Variants in GRID2 observed in about 807,000 individuals in gnomAD.
GRID2 encodes the protein glutamate ionotropic receptor delta type subunit 2.
A neutral mutation model predicts 114.8 loss-of-function variants in GRID2; 33 were observed. That is an observed-to-expected ratio of 0.29 (90% CI 0.22 to 0.38). The LOEUF is 0.38. Ranked by LOEUF, GRID2 falls within the 10% of genes least tolerant of loss-of-function variation. The pLI is 1.00. For synonymous variants in GRID2, 505 were observed against 449.9 expected (o/e 1.12, Z -1.55); for missense variants, 1,184 against 1,257.7 (o/e 0.94, Z 0.89).
chr4:92,821,348 C>A (rs755558189), intron 2 of GRID2, among the ~76,000 whole-genome samples: 22 of 152,196 alleles, frequency 1.4e-4, no homozygotes, highest in Non-Finnish European at 2.8e-4. Context: ...TGGTTGACAA[C>A]CTTATCTGTC....
chr4:93,573,055 G>T lies in GRID2; in HGVS notation c.2194-53214G>T, dbSNP rs1041172745. 2.0e-5 allele frequency among the ~76,000 whole-genome samples: 3 copies of T among 152,102 alleles called. No homozygotes were observed. In the South Asian group the frequency reaches 6.2e-4, roughly 32 times the overall value. ...AAGTATATCATGTACCTAGATCAGTGCTTAGCACCTCGTGGAATACACAGG... is the reference window on the plus strand; with the variant it reads ...AAGTATATCATGTACCTAGATCAGTTCTTAGCACCTCGTGGAATACACAGG... On this transcript the variant is annotated intron_variant, in intron 13 of 15. Coordinates refer to ENST00000282020, the MANE Select transcript of GRID2 (RefSeq NM_001510.4).
intron 13 of GRID2, among the ~76,000 whole-genome samples, chr4:93,535,079 T>A (rs1731900813): frequency 6.6e-6 from 1 of 151,762 alleles, no homozygotes; most frequent in Non-Finnish European, 1.5e-5. Flanking sequence ...ATGAGTTTAA[T>A]TTTTTTTAGA....
rs544767748 is a variant in GRID2, at chr4:93,619,275, A to G, written c.2194-6994A>G. 2.6e-5 allele frequency among the ~76,000 whole-genome samples: 4 copies of G among 152,352 alleles called. No individual in the cohort carries two copies. In the South Asian group the frequency reaches 8.3e-4, roughly 32 times the overall value. On this transcript the variant is annotated intron_variant, in intron 13 of 15. Transcript: ENST00000282020. Reference sequence around the variant, plus strand: ...GATTTATTGTGCTGTATAAATTCAGAAGAATTGATGAATGCTGCTAAATTA... The same window carrying G: ...GATTTATTGTGCTGTATAAATTCAGGAGAATTGATGAATGCTGCTAAATTA...
At chr4:93,323,944 T>G (rs1396527280) in intron 8 of GRID2, among the ~76,000 whole-genome samples, 1 of 152,190 alleles carries the variant, frequency 6.6e-6, no homozygotes, top group Non-Finnish European at 1.5e-5. Context: ...AAGGAGATTT[T>G]GGGCTGAGAC....
intron 13 of GRID2, among the ~76,000 whole-genome samples, chr4:93,621,016 T>C (rs539338331): frequency 6.6e-6 from 1 of 152,276 alleles, no homozygotes; most frequent in East Asian, 1.9e-4. Context: ...TTGACTTATC[T>C]CCACTACTGA....
At chr4:92,505,035 G>GT (rs1037181916) in intron 1 of GRID2, among the ~76,000 whole-genome samples, 22 of 152,046 alleles carry the variant, frequency 1.4e-4, no homozygotes, top group African/African-American at 5.1e-4. Context: ...AAGAGAAAAT[G>GT]TAACTTAAGA....
intron 1 of GRID2, among the ~76,000 whole-genome samples, chr4:92,347,680 AATTAC>A (rs2110176234): frequency 6.6e-6 from 1 of 152,192 alleles, no homozygotes; most frequent in East Asian, 1.9e-4. Context: ...TGTGCTCAGA[AATTAC>A]ATAAGATGAA....
chr4:93,251,413 T>C (rs1184280765), intron 8 of GRID2, among the ~76,000 whole-genome samples: 1 of 152,204 alleles, frequency 6.6e-6, no homozygotes, highest in African/African-American at 2.4e-5. Flanking sequence ...TCTATAACAC[T>C]AGGTTATAAA....
At chr4:93,403,813 T>C (rs940753595) in intron 9 of GRID2, among the ~76,000 whole-genome samples, 2 of 152,140 alleles carry the variant, frequency 1.3e-5, no homozygotes, top group Non-Finnish European at 2.9e-5. Context: ...CAGAAAACAG[T>C]CTAGCAGTTC....
chr4:93,780,124 G>A (rs926653698), intron 1 of GRID2, among the ~76,000 whole-genome samples: 5 of 152,158 alleles, frequency 3.3e-5, no homozygotes, highest in African/African-American at 1.2e-4. Context: ...AAGTGCTGTG[G>A]AGGAAAACAA....
intron 2 of GRID2, among the ~76,000 whole-genome samples, chr4:92,745,070 G>A (rs928852230): frequency 2.6e-5 from 4 of 152,130 alleles, no homozygotes; most frequent in South Asian, 4.1e-4. Context: ...AGTGTCACAT[G>A]AGAGATTAAT....
At chr4:93,100,018 A>G (rs1333924040) in intron 3 of GRID2, among the ~76,000 whole-genome samples, 3 of 151,928 alleles carry the variant, frequency 2.0e-5, no homozygotes. Flanking sequence ...TCATTTGGCT[A>G]CTTTCCAGCT....
At chr4:93,231,202 G>A (rs1746093147) in intron 7 of GRID2, among the ~76,000 whole-genome samples, 1 of 151,902 alleles carries the variant, frequency 6.6e-6, no homozygotes, top group African/African-American at 2.4e-5. Context: ...ATTTACAGAA[G>A]TGTACTATAT....
intron 8 of GRID2, among the ~76,000 whole-genome samples, chr4:93,394,184 G>A (rs1228194478): frequency 6.6e-6 from 1 of 151,920 alleles, no homozygotes; most frequent in Non-Finnish European, 1.5e-5. Context: ...TATGGCAAGA[G>A]GACCACAATG....
chr4:92,695,734 G>T (rs1181456078), intron 2 of GRID2, among the ~76,000 whole-genome samples: 2 of 151,984 alleles, frequency 1.3e-5, no homozygotes, highest in Non-Finnish European at 2.9e-5. Flanking sequence ...AGTGCCACTA[G>T]CTTACTTTTC....
At chr4:93,205,287 T>A (rs920702384) in intron 4 of GRID2, among the ~76,000 whole-genome samples, 1 of 152,084 alleles carries the variant, frequency 6.6e-6, no homozygotes, top group African/African-American at 2.4e-5. Context: ...GTTTCACCTA[T>A]AAGTGGAGTA....
intron 4 of GRID2, among the ~76,000 whole-genome samples, chr4:93,173,979 T>C (rs577569259): frequency 1.4e-3 from 212 of 152,308 alleles, no homozygotes; most frequent in African/African-American, 4.8e-3. Context: ...TAATTAAAAA[T>C]TCACAGGTAG....
chr4:92,414,570 G>T (rs1731504104), intron 1 of GRID2, among the ~76,000 whole-genome samples: 1 of 152,064 alleles, frequency 6.6e-6, no homozygotes, highest in South Asian at 2.1e-4. Context: ...ATTTATTCTG[G>T]CTGATGGTGC....
intron 1 of GRID2, among the ~76,000 whole-genome samples, chr4:92,515,862 TGACAC>T (rs1340751649): frequency 2.6e-5 from 4 of 152,006 alleles, no homozygotes; most frequent in African/African-American, 7.2e-5. Flanking sequence ...CAAATTATTC[TGACAC>T]TAGTTTCTCA....
Sources: allele counts gnomAD v4.1 joint callset (sites outside exome capture counted in the v4.1 genomes callset), GRCh38; gene constraint gnomAD v4.1.1; transcripts MANE v1.5; gene names NCBI Gene and HGNC (gene_info 2026-07-23, HGNC 2026-07-21).